Variants in TRPM3 observed in about 807,000 individuals in gnomAD.
TRPM3 encodes the protein transient receptor potential cation channel subfamily M member 3, also known as long transient receptor potential channel 3.
In TRPM3, 77 loss-of-function variants were observed where a neutral mutation model predicts 181.2. That is an observed-to-expected ratio of 0.42 (90% CI 0.35 to 0.51). TRPM3 has a LOEUF of 0.51. Among genes scored for constraint, TRPM3 ranks in the 20% least tolerant of loss-of-function variants. The probability of loss-of-function intolerance (pLI) is 0.01; values close to 1 mark genes in which losing one functional copy is unlikely to be tolerated. For missense variants in TRPM3, 1,759 were observed against 2,196.7 expected, an observed-to-expected ratio of 0.80 and a Z score of 3.98; for synonymous variants, 745 against 796.4, an observed-to-expected ratio of 0.94 and a Z score of 1.09.
At chr9:71,359,957 T>C (rs941447865) in intron 1 of TRPM3, among the ~76,000 whole-genome samples, 5 of 152,192 alleles carry the variant, frequency 3.3e-5, no homozygotes, top group African/African-American at 1.2e-4. Context: ...TTGCTTATTG[T>C]TACATTCTAG....
At chr9:71,161,469 CAAG>C (rs1013579948) in intron 1 of TRPM3, among the ~76,000 whole-genome samples, 12 of 152,106 alleles carry the variant, frequency 7.9e-5, no homozygotes, top group East Asian at 3.9e-4. Flanking sequence ...TCCAGAACTC[CAAG>C]AAGATTAAGA....
chr9:70,940,801 G>A (rs541179172), intron 1 of TRPM3, among the ~76,000 whole-genome samples: 1 of 152,180 alleles, frequency 6.6e-6, no homozygotes, highest in South Asian at 2.1e-4. Context: ...TATGCTGAGG[G>A]AGCACCTGGT....
chr9:70,662,438 A>G (rs2061261389), intron 9 of TRPM3, among the ~76,000 whole-genome samples: 1 of 152,164 alleles, frequency 6.6e-6, no homozygotes, highest in African/African-American at 2.4e-5. Flanking sequence ...TAGCAAAAGA[A>G]ATTACAGAGT....
chr9:70,643,459 G>A (rs1009369412), intron 9 of TRPM3, among the ~76,000 whole-genome samples: 1 of 152,218 alleles, frequency 6.6e-6, no homozygotes, highest in African/African-American at 2.4e-5. Context: ...CTACAGGCCT[G>A]AATGTAATTA....
intron 11 of TRPM3, among the ~76,000 whole-genome samples, chr9:70,637,797 G>A (rs1269042588): frequency 6.6e-6 from 1 of 152,044 alleles, no homozygotes; most frequent in Non-Finnish European, 1.5e-5. Context: ...ACAGAAGCTT[G>A]GGTTCGGTAC....
chr9:70,813,570 G>A (rs1406762738), intron 6 of TRPM3, among the ~76,000 whole-genome samples: 1 of 152,112 alleles, frequency 6.6e-6, no homozygotes, highest in Non-Finnish European at 1.5e-5. Context: ...ATTATCTGGG[G>A]TGATGGGATC....
chr9:70,976,958 C>T (rs1176054301), intron 1 of TRPM3, among the ~76,000 whole-genome samples: 1 of 152,140 alleles, frequency 6.6e-6, no homozygotes, highest in Non-Finnish European at 1.5e-5. Flanking sequence ...ATTTGTGAAT[C>T]ACCACAGTGC....
chr9:70,755,018 T>C (rs181177136), intron 8 of TRPM3, among the ~76,000 whole-genome samples: 3 of 152,308 alleles, frequency 2.0e-5, no homozygotes, highest in Admixed American at 2.0e-4. Flanking sequence ...GTACCGTCCA[T>C]GTACATAAGT....
intron 1 of TRPM3, among the ~76,000 whole-genome samples, chr9:70,925,579 T>C (rs750082572): frequency 1.6e-4 from 25 of 151,642 alleles, no homozygotes; most frequent in Non-Finnish European, 3.1e-4. Flanking sequence ...GAATATGGAA[T>C]ATATATATAT....
chr9:70,664,641 G>GTTTTTTTTTTTTTTTTTTTTTTTTTTTT (rs71367210), intron 9 of TRPM3, among the ~76,000 whole-genome samples: 1 of 100,220 alleles, frequency 1.0e-5, no homozygotes. Flanking sequence ...TAGGAGAGTA[G>GTTTTTTTTTTTTTTTTTTTTTTTTTTTT]TTTTTTTTTT....
chr9:71,309,428 A>C (rs1441933312), intron 1 of TRPM3, among the ~76,000 whole-genome samples: 1 of 152,206 alleles, frequency 6.6e-6, no homozygotes, highest in Non-Finnish European at 1.5e-5. Flanking sequence ...AAATGGACAT[A>C]TCTCAATATA....
chr9:71,230,585 T>C (rs2080987176), intron 1 of TRPM3, among the ~76,000 whole-genome samples: 1 of 152,216 alleles, frequency 6.6e-6, no homozygotes, highest in South Asian at 2.1e-4. Context: ...CATTAATATA[T>C]ATGCCTACTG....
intron 1 of TRPM3, among the ~76,000 whole-genome samples, chr9:71,061,974 A>G (rs897217765): frequency 2.0e-5 from 3 of 152,006 alleles, no homozygotes; most frequent in Non-Finnish European, 4.4e-5. Flanking sequence ...TGACCATGGA[A>G]TCAAATCTTC....
intron 7 of TRPM3, among the ~76,000 whole-genome samples, chr9:70,770,034 C>T (rs939281767): frequency 6.6e-6 from 1 of 152,124 alleles, no homozygotes; most frequent in Non-Finnish European, 1.5e-5. Flanking sequence ...TGATCCTTTT[C>T]CTTTTAATCA....
intron 7 of TRPM3, among the ~76,000 whole-genome samples, chr9:70,768,448 C>T (rs11142578): frequency 0.15 from 22,978 of 151,956 alleles, 2,316 homozygotes; most frequent in East Asian, 0.39. Flanking sequence ...TGTGTGTATG[C>T]TTGGGTCAGC....
At chr9:71,215,950 G>A (rs2079838166) in intron 1 of TRPM3, among the ~76,000 whole-genome samples, 1 of 152,180 alleles carries the variant, frequency 6.6e-6, no homozygotes, top group African/African-American at 2.4e-5. Context: ...AGCATGGGAG[G>A]ACAGAAGCAC....
chr9:70,848,976 C>CAAA (rs749477799), intron 3 of TRPM3, among the ~76,000 whole-genome samples: 138 of 11,930 alleles, frequency 0.012, 21 homozygotes, highest in East Asian at 0.037. Context: ...GACTCCGTCT[C>CAAA]AAAAAAAAAA....
rs191056978 is a variant in TRPM3, at chr9:70,587,414, G to A, written c.3223+3617C>T. Among the ~76,000 whole-genome samples the A allele has an allele frequency of 1.8e-3, 270 of 152,288 alleles. 5 individuals carry two copies. Among genetic ancestry groups the A allele is most frequent in the Non-Finnish European group, 5.7e-4 (39 of 68,024 alleles). Reference sequence around the variant, plus strand: ...ATGGATGCCCTGTAAATAAATGAAAGTCGCATTCATTCAGGGGCTGGAGAA... The same window carrying A: ...ATGGATGCCCTGTAAATAAATGAAAATCGCATTCATTCAGGGGCTGGAGAA... On this transcript the variant is annotated intron_variant, in intron 22 of 25. Coordinates refer to ENST00000677713, the MANE Select transcript of TRPM3 (RefSeq NM_001366145.2).
At chr9:70,594,455 A>G (rs985397028) in intron 21 of TRPM3, among the ~76,000 whole-genome samples, 1 of 152,194 alleles carries the variant, frequency 6.6e-6, no homozygotes, top group Non-Finnish European at 1.5e-5. Context: ...CATGTCTGAC[A>G]TGGTATCTGG....
Sources: allele counts gnomAD v4.1 joint callset (sites outside exome capture counted in the v4.1 genomes callset), GRCh38; gene constraint gnomAD v4.1.1; transcripts MANE v1.5; gene names NCBI Gene and HGNC (gene_info 2026-07-23, HGNC 2026-07-21).